COPE: variants seen among roughly 807,000 people sequenced by gnomAD.
COPE encodes the protein coatomer subunit epsilon.
A neutral mutation model predicts 42.1 loss-of-function variants in COPE; 19 were observed. The ratio of observed to expected loss-of-function variants is 0.45; its 90% CI spans 0.31 to 0.66. COPE has a LOEUF of 0.66. Among genes scored for constraint, COPE ranks in the 30% least tolerant of loss-of-function variants. COPE has a pLI of 0.05. For missense variants in COPE, 402 were observed against 416.1 expected (o/e 0.97, Z 0.30); for synonymous variants, 195 against 181.3 (o/e 1.08, Z -0.60).
chr19:18,905,369 TAGAG>T (rs1405005473), intron 5 of COPE, among the ~76,000 whole-genome samples: 1 of 151,882 alleles, frequency 6.6e-6, no homozygotes, highest in Admixed American at 6.6e-5. Context: ...ACCCACTGCA[TAGAG>T]AGAAACTGAG....
chr19:18,900,343 G>T (rs979645896), intron 8 of COPE, 38 bp downstream of exon 8: 1 of 1,515,598 alleles, frequency 6.6e-7, no homozygotes, highest in Admixed American at 2.0e-5. Flanking sequence ...CCAGGGTCTG[G>T]ACATTAGGGT....
At chr19:18,901,367 G>A (rs2056697081) in intron 7 of COPE, among the ~76,000 whole-genome samples, 1 of 152,252 alleles carries the variant, frequency 6.6e-6, no homozygotes, top group African/African-American at 2.4e-5. Flanking sequence ...GGGGCAGGGT[G>A]GTGGAGGAGG....
intron 2 of COPE, among the ~76,000 whole-genome samples, chr19:18,911,562 T>G (rs543589128): frequency 5.1e-4 from 77 of 152,018 alleles, no homozygotes; most frequent in Non-Finnish European, 1.0e-3. Context: ...CCCATTTTTT[T>G]TTTTTTCGAG....
chr19:18,904,873 A>G, intron 5 of COPE, 21 bp from the exon 6 acceptor site: 2 of 1,550,724 alleles, frequency 1.3e-6, no homozygotes, highest in Non-Finnish European at 1.7e-6. Flanking sequence ...GACAGATGAC[A>G]GAGGGGCTGA....
intron 1 of COPE, among the ~76,000 whole-genome samples, chr19:18,913,647 G>A (rs1352778043): frequency 6.6e-5 from 10 of 152,188 alleles, no homozygotes; most frequent in Admixed American, 6.5e-4. Context: ...TGCTGCCCCC[G>A]GAGGCTGGCT....
chr19:18,900,869 C>T (rs2056692276), intron 7 of COPE, among the ~76,000 whole-genome samples: 1 of 152,170 alleles, frequency 6.6e-6, no homozygotes, highest in Non-Finnish European at 1.5e-5. Flanking sequence ...CTGACTCACT[C>T]ACTCTAGGCT....
intron 5 of COPE, 58 bp from the exon 6 acceptor site, chr19:18,904,910 C>T: frequency 6.6e-7 from 1 of 1,516,246 alleles, no homozygotes; most frequent in Non-Finnish European, 9.0e-7. Context: ...GCCTGGCCAT[C>T]CCTGCCTTGT....
intron 6 of COPE, among the ~76,000 whole-genome samples, chr19:18,903,661 A>G (rs2056730571): frequency 6.6e-6 from 1 of 152,324 alleles, no homozygotes; most frequent in South Asian, 2.1e-4. Context: ...AGTGCTGAGT[A>G]CACAGAGGTG....
intron 1 of COPE, among the ~76,000 whole-genome samples, chr19:18,913,355 G>T (rs544207415): frequency 4.4e-4 from 67 of 152,352 alleles, no homozygotes; most frequent in African/African-American, 1.5e-3. Context: ...CTCTGGACAT[G>T]GGGCCACTGT....
chr19:18,904,580 T>A (rs2056740727), intron 6 of COPE, among the ~76,000 whole-genome samples, 191 bp downstream of exon 6: 1 of 152,250 alleles, frequency 6.6e-6, no homozygotes, highest in African/African-American at 2.4e-5. Context: ...GCTCTGGCTC[T>A]GGCCAAGTCG....
Position 18,899,610 on chromosome 19 carries a change from G to C in COPE, c.*69C>G, listed in dbSNP as rs1433479382. The C allele has an allele frequency of 4.5e-6, 7 of 1,561,064 alleles. No homozygotes were observed. Among genetic ancestry groups the C allele is most frequent in the South Asian group, 3.3e-5 (3 of 89,682 alleles). Reference sequence around the variant, plus strand: ...GAGGGGATGCAGGTGGATGCCGGGTGGGGAGGGCTGCAGGGCTGGCTCCTG... The same window carrying C: ...GAGGGGATGCAGGTGGATGCCGGGTCGGGAGGGCTGCAGGGCTGGCTCCTG... On this transcript the variant is annotated 3_prime_UTR_variant, in exon 10 of 10. Transcript: ENST00000262812.
chr19:18,909,452 C>G (rs974840139), intron 3 of COPE, among the ~76,000 whole-genome samples: 3 of 151,860 alleles, frequency 2.0e-5, no homozygotes, highest in Admixed American at 2.0e-4. Flanking sequence ...ACTCGTGGTG[C>G]TCCTTGGCTA....
intron 7 of COPE, 115 bp from the exon 8 acceptor site, chr19:18,900,564 GGACT>G: frequency 1.4e-6 from 1 of 738,218 alleles, no homozygotes; most frequent in South Asian, 1.8e-5. Context: ...AGGTGGGGTG[GGACT>G]GACACCGCCC....
intron 1 of COPE, among the ~76,000 whole-genome samples, chr19:18,918,417 C>T (rs966548131): frequency 1.3e-5 from 2 of 152,096 alleles, no homozygotes; most frequent in African/African-American, 4.8e-5. Context: ...TAAAATAAAC[C>T]TGTCTTGACT....
At chr19:18,906,788 G>A (rs1037374801) in intron 4 of COPE, 172 bp downstream of exon 4, 2 of 692,620 alleles carry the variant, frequency 2.9e-6, no homozygotes, top group African/African-American at 1.8e-5. Flanking sequence ...AGATGGGAGT[G>A]CCTCCCACAC....
intron 6 of COPE, 75 bp from the exon 7 acceptor site, chr19:18,903,498 G>T (rs549638184): frequency 5.8e-5 from 86 of 1,492,864 alleles, no homozygotes; most frequent in Admixed American, 1.3e-4. Flanking sequence ...CTCCCCTAGC[G>T]GGGGGGACTC....
chr19:18,900,580 C>G (rs1003711495), intron 7 of COPE, 131 bp from the exon 8 acceptor site: 8 of 649,876 alleles, frequency 1.2e-5, no homozygotes, highest in East Asian at 5.7e-5. Flanking sequence ...ACACCGCCCA[C>G]CGCTCTGCAA....
chr19:18,905,002 C>G (rs1313191477), intron 5 of COPE, 150 bp from the exon 6 acceptor site: 1 of 787,748 alleles, frequency 1.3e-6, no homozygotes, highest in Admixed American at 2.3e-5. Flanking sequence ...ACTAAGTGCC[C>G]GAGCCACCCT....
At chr19:18,906,735 T>G (rs1335385663) in intron 4 of COPE, 1 of 511,090 alleles carries the variant, frequency 2.0e-6, no homozygotes, top group Non-Finnish European at 3.4e-6. Context: ...AACAGAGGGT[T>G]GCAGCCTGGG....
Sources: gnomAD v4.1 joint callset for allele counts (sites outside exome capture counted in the v4.1 genomes callset) on GRCh38, gnomAD v4.1.1 for gene constraint, MANE v1.5 for transcripts, NCBI Gene and HGNC (gene_info 2026-07-23, HGNC 2026-07-21) for gene names.